Variants in CTSB observed in about 807,000 individuals in gnomAD.
CTSB encodes the protein cathepsin B, also known as APP secretase.
Under a neutral mutation model 44.3 loss-of-function variants are expected in CTSB, and 57 were observed. The ratio of observed to expected loss-of-function variants is 1.29; its 90% confidence interval spans 1.04 to 1.60. The LOEUF (loss-of-function observed/expected upper bound fraction) is 1.60, where lower values mean the gene tolerates loss of function less well. Among genes scored for constraint, CTSB ranks in the 40% most tolerant of loss-of-function variants. CTSB has a pLI of 0.00. For synonymous variants in CTSB, 320 were observed against 168.0 expected (o/e 1.91, Z -7.00); for missense variants, 768 against 443.0 (o/e 1.73, Z -6.59).
At chr8:11,856,350 G>A (rs924857021) in intron 1 of CTSB, among the ~76,000 whole-genome samples, 3 of 152,184 alleles carry the variant, frequency 2.0e-5, no homozygotes, top group Non-Finnish European at 2.9e-5. Context: ...GCAATTAGTT[G>A]GTGGGGCACG....
intron 1 of CTSB, chr8:11,853,741 G>C: frequency 2.7e-6 from 1 of 370,094 alleles, no homozygotes; most frequent in Non-Finnish European, 5.0e-6. Context: ...ACCGAGTCCA[G>C]GGCCTTCGCT....
Position 11,844,118 on chromosome 8 carries a change from T to G in CTSB, c.*1007A>C, listed in dbSNP as rs548835532. On this transcript the variant is annotated 3_prime_UTR_variant, in exon 10 of 10. Coordinates refer to ENST00000353047, the MANE Select transcript of CTSB (RefSeq NM_001908.5). Reference sequence around the variant, plus strand: ...CTTACCAGGCACTTACAGAGAAGGTTGACGAGGATGACAGGGAACTAATTG... The same window carrying G: ...CTTACCAGGCACTTACAGAGAAGGTGGACGAGGATGACAGGGAACTAATTG... The G allele has an allele frequency of 6.6e-6, 1 of 152,360 alleles. No homozygotes were observed. The highest frequency in any genetic ancestry group is 1.9e-4 in the East Asian group (1 of 5,190). 9.4% of individuals were successfully genotyped at this position (152,360 alleles called of 1,614,324 possible). A position where few individuals can be genotyped will look rare whatever the true frequency, so the allele number is the denominator to read the frequency against.
At chr8:11,863,080 A>C (rs942037721) in intron 1 of CTSB, among the ~76,000 whole-genome samples, 3 of 152,248 alleles carry the variant, frequency 2.0e-5, no homozygotes, top group African/African-American at 7.2e-5. Context: ...CGGGAGGCCA[A>C]GGTGGGAAGA....
rs1816069038 is a variant in CTSB, at chr8:11,859,638, G to A, written c.-25-6159C>T. On this transcript the variant is annotated intron_variant, in intron 1 of 9. Transcript: ENST00000353047. ...CAAAAATTAGCCAGGCACGGTGGTGGGTGCCTGTAATCCCACCTACTTGGG... is the reference window on the plus strand; with the variant it reads ...CAAAAATTAGCCAGGCACGGTGGTGAGTGCCTGTAATCCCACCTACTTGGG... Among the ~76,000 whole-genome samples, 5 of 151,772 alleles carry A rather than the reference G, an allele frequency of 3.3e-5. No homozygotes were observed. The South Asian group carries it at 1.0e-3, about 32-fold the overall frequency.
rs1035749874 is a variant in CTSB, at chr8:11,856,150, G to C, written c.-25-2671C>G. On this transcript the variant is annotated intron_variant, in intron 1 of 9. Coordinates refer to ENST00000353047, the MANE Select transcript of CTSB (RefSeq NM_001908.5). ...AGTTTGGCACTTCTTGCAGGGCTTA[G>C]GAAGTGGGGAAACGGAAGGCATGAT... Among the ~76,000 whole-genome samples the C allele has an allele frequency of 6.6e-5, 10 of 152,124 alleles. No individual in the cohort carries two copies. The South Asian group carries it at 2.1e-3, about 32-fold the overall frequency.
chr8:11,866,142 G>A (rs185794443), intron 1 of CTSB, among the ~76,000 whole-genome samples: 3 of 152,208 alleles, frequency 2.0e-5, no homozygotes, highest in African/African-American at 7.2e-5. Flanking sequence ...AAGAGCAACA[G>A]AAAATATCTG....
intron 1 of CTSB, among the ~76,000 whole-genome samples, chr8:11,858,346 G>T (rs1028458294): frequency 7.2e-5 from 11 of 152,178 alleles, no homozygotes; most frequent in Admixed American, 2.0e-4. Flanking sequence ...CCAGGCTGGA[G>T]TGCAGTGGCA....
At chr8:11,848,445 C>T (rs1297196389) in intron 5 of CTSB, 2 of 514,326 alleles carry the variant, frequency 3.9e-6, no homozygotes, top group South Asian at 3.6e-5. Flanking sequence ...CCGGGTAGAA[C>T]ACTGATTCTC....
At chr8:11,851,151 TTC>T (rs1814522879) in intron 3 of CTSB, among the ~76,000 whole-genome samples, 171 bp from the exon 4 acceptor site, 5 of 151,636 alleles carry the variant, frequency 3.3e-5, no homozygotes, top group Admixed American at 3.3e-4. Flanking sequence ...CAAAAGGAAA[TTC>T]TGTTGCTCAA....
At chr8:11,845,589 G>A in intron 9 of CTSB, 72 bp downstream of exon 9, 2 of 1,558,646 alleles carry the variant, frequency 1.3e-6, no homozygotes, top group East Asian at 2.3e-5. Context: ...GGGTAGAACA[G>A]AGAAAGCCGA....
In CTSB at chr8:11,847,915, A is replaced by G; in HGVS notation, c.533-93T>C. 2.3e-5 allele frequency: 33 copies of G among 1,457,068 alleles called. 1 individual carries two copies. The South Asian group carries it at 4.2e-4, about 19-fold the overall frequency. 90.3% of individuals were successfully genotyped at this position (1,457,068 alleles called of 1,614,324 possible). On this transcript the variant is annotated intron_variant, in intron 6 of 9. Transcript: ENST00000353047. Reference sequence around the variant, plus strand: ...GCCTCGTGCCTGCAGCATGGACGCCAGGCAGGTCCTGCCAGAGGCCTGTGC... The same window carrying G: ...GCCTCGTGCCTGCAGCATGGACGCCGGGCAGGTCCTGCCAGAGGCCTGTGC...
At position 11,847,110 on chromosome 8, in the gene CTSB, T is replaced by G. The variant is rs145214017; in HGVS notation, c.735A>C (p.Lys245Asn). The change falls in exon 8 of 10, where the codon AAA (lysine) becomes AAC (asparagine). Residue 245 changes from lysine to asparagine, a missense_variant. Coordinates refer to ENST00000353047, the MANE Select transcript of CTSB (RefSeq NM_001908.5). Reference sequence around the variant, plus strand: ...AGAAAGCTCCCTCCACGGGGCCGTTTTTGTAGATCTCGGCCATGATGTCCT... The same window carrying G: ...AGAAAGCTCCCTCCACGGGGCCGTTGTTGTAGATCTCGGCCATGATGTCCT... ...SEKDIMAEIY[K>N]NGPVEGAFSV... 157 of 1,613,756 alleles carry G rather than the reference T, an allele frequency of 9.7e-5. 1 individual carries two copies. The African/African-American group carries it at 1.9e-3, about 20-fold the overall frequency.
chr8:11,845,713 G>C lies in CTSB; in HGVS notation c.870C>G (p.Gly290=), dbSNP rs545585562. ...AGTTGGCAACCAGCCAGTAGGGTGTGCCATTCTCCACTCCCCAGCCCAGGA... is the reference window on the plus strand; with the variant it reads ...AGTTGGCAACCAGCCAGTAGGGTGTCCCATTCTCCACTCCCCAGCCCAGGA... The part of the protein sequence containing the change: ...IRILGWGVEN[G]TPYWLVANSW... The change falls in exon 9 of 10, where the codon GGC becomes GGG. Residue 290 remains glycine, a synonymous_variant. Transcript: ENST00000353047. 2 of 1,614,116 alleles carry C rather than the reference G, an allele frequency of 1.2e-6. 1 individual carries two copies. Among genetic ancestry groups the C allele is most frequent in the South Asian group, 2.2e-5 (2 of 91,074 alleles).
Position 11,852,687 on chromosome 8 carries a change from G to A in CTSB, c.135C>T (p.His45=), listed in dbSNP as rs1478444901. 3 of 1,613,864 alleles carry A rather than the reference G, an allele frequency of 1.9e-6. No individual in the cohort carries two copies. The highest frequency in any genetic ancestry group is 2.2e-5 in the South Asian group (2 of 91,080). Residue 45 remains histidine, a synonymous_variant, in exon 3 of 10, where the codon CAC becomes CAT. Coordinates refer to ENST00000353047, the MANE Select transcript of CTSB (RefSeq NM_001908.5). ...AGCTCATGTCCACGTTGTAGAAGTT[G>A]TGCCCGGCCTGGAAGAGAGTCACCC... ...NKRNTTWQAG[H]NFYNVDMSYL... is the part of the protein sequence containing the mutation.
intron 5 of CTSB, chr8:11,848,368 A>C: frequency 3.0e-6 from 2 of 663,542 alleles, no homozygotes; most frequent in Non-Finnish European, 5.6e-6. Flanking sequence ...CCTGCCCACA[A>C]AGATCCGGGA....
chr8:11,855,606 A>T (rs149596506), intron 1 of CTSB, among the ~76,000 whole-genome samples: 1 of 152,376 alleles, frequency 6.6e-6, no homozygotes, highest in African/African-American at 2.4e-5. Flanking sequence ...TTTAAAACAA[A>T]AACTGACGAA....
intron 8 of CTSB, chr8:11,846,392 G>A (rs1009303040): frequency 6.6e-6 from 1 of 152,360 alleles, no homozygotes; most frequent in African/African-American, 2.4e-5. Context: ...TTTCTTGCCA[G>A]AATCATCTTC....
rs563018207 is a variant in CTSB at position 11,845,532 on chromosome 8, A to G, written c.922+129T>C. On this transcript the variant is annotated intron_variant, in intron 9 of 9. Coordinates refer to ENST00000353047, the MANE Select transcript of CTSB (RefSeq NM_001908.5). ...AACTCCTGACTGCCTGGCACTTAGG[A>G]GGAGCTCACAGCCTGGCCGTAGGTC... is the stretch of plus-strand genomic sequence containing the variant. 2.9e-5 allele frequency: 33 copies of G among 1,144,646 alleles called. No homozygotes were observed. In the South Asian group the frequency reaches 4.1e-4, roughly 14 times the overall value. 70.9% of individuals were successfully genotyped at this position (1,144,646 alleles called of 1,614,324 possible).
chr8:11,861,954 T>A (rs759608709), intron 1 of CTSB, among the ~76,000 whole-genome samples: 1 of 152,206 alleles, frequency 6.6e-6, no homozygotes, highest in African/African-American at 2.4e-5. Context: ...ACGCCTGTAA[T>A]CCCAGTACTT....
Sources: allele counts gnomAD v4.1 joint callset (sites outside exome capture counted in the v4.1 genomes callset), GRCh38; gene constraint gnomAD v4.1.1; transcripts MANE v1.5; gene names NCBI Gene and HGNC (gene_info 2026-07-23, HGNC 2026-07-21).